The following DCLK2 variants were observed in gnomAD, a reference collection of about 807,000 sequenced individuals.
DCLK2 encodes serine/threonine-protein kinase DCLK2.
In DCLK2, 31 loss-of-function variants were observed where a neutral mutation model predicts 78.4. That is an observed-to-expected ratio of 0.40 (90% CI 0.30 to 0.53). The LOEUF (loss-of-function observed/expected upper bound fraction) is 0.53, where lower values mean the gene tolerates loss of function less well. DCLK2 is among the 20% of genes least tolerant of loss of function. The pLI, the probability that DCLK2 is intolerant of heterozygous loss-of-function variation, is 0.61. For missense variants in DCLK2, 872 were observed against 973.7 expected, an observed-to-expected ratio of 0.90 and a Z score of 1.39; for synonymous variants, 407 against 374.9, an observed-to-expected ratio of 1.09 and a Z score of -0.99.
At chr4:150,220,307 A>T (rs996827882) in intron 5 of DCLK2, among the ~76,000 whole-genome samples, 1 of 152,228 alleles carries the variant, frequency 6.6e-6, no homozygotes, top group South Asian at 2.1e-4. Context: ...ATTTATCATG[A>T]GGAAATAAAA....
At chr4:150,250,945 CACATCCCTCACACCCCCCACA>C in intron 15 of DCLK2, among the ~76,000 whole-genome samples, 1 of 7,338 alleles carries the variant, frequency 1.4e-4, no homozygotes, top group Non-Finnish European at 5.4e-4. Flanking sequence ...CCCCACACCA[CACATCCCTCACACCCCCCACA>C]CCACACATCC....
chr4:150,221,788 G>A lies in DCLK2; in HGVS notation c.1241+3G>A. The A allele has an allele frequency of 6.6e-7, 1 of 1,511,008 alleles. No homozygotes were observed. Among genetic ancestry groups the A allele is most frequent in the Non-Finnish European group, 9.1e-7 (1 of 1,104,962 alleles). The allele number at this position is 1,511,008 out of a possible 1,614,324, so 93.6% of individuals were successfully genotyped here. On this transcript the variant is annotated splice_donor_region_variant and intron_variant, in intron 7 of 15. Transcript: ENST00000296550. The stretch of plus-strand genomic sequence containing the variant: ...GTAGTCAAAGAGTGTATAGACAGGT[G>A]AGTGGACAGTGAGGATAATTAATGA...
chr4:150,125,638 C>T (rs183882250), intron 2 of DCLK2, among the ~76,000 whole-genome samples: 43 of 152,192 alleles, frequency 2.8e-4, no homozygotes, highest in African/African-American at 9.4e-4. Flanking sequence ...TCTTGTAGTC[C>T]GAGCACTCTG....
chr4:150,091,218 G>A (rs1192505086), intron 1 of DCLK2, among the ~76,000 whole-genome samples: 1 of 152,200 alleles, frequency 6.6e-6, no homozygotes, highest in African/African-American at 2.4e-5. Context: ...CACAAACGCT[G>A]CGCTTGATGA....
chr4:150,240,900 CCT>C (rs1237683212), intron 12 of DCLK2, among the ~76,000 whole-genome samples: 25 of 151,910 alleles, frequency 1.6e-4, no homozygotes, highest in African/African-American at 5.8e-4. Context: ...TTTGGTTGGT[CCT>C]CTGAGTTTCC....
intron 2 of DCLK2, among the ~76,000 whole-genome samples, chr4:150,187,947 C>T (rs982471064): frequency 3.3e-5 from 5 of 151,890 alleles, no homozygotes; most frequent in South Asian, 2.1e-4. Flanking sequence ...ACTACAGGTG[C>T]GTGCCACCAC....
At chr4:150,156,256 C>T (rs1453477337) in intron 2 of DCLK2, among the ~76,000 whole-genome samples, 1 of 151,998 alleles carries the variant, frequency 6.6e-6, no homozygotes, top group Non-Finnish European at 1.5e-5. Flanking sequence ...GAAGTAAAAA[C>T]TGACAAGATC....
At chr4:150,184,881 G>A (rs144626682) in intron 2 of DCLK2, among the ~76,000 whole-genome samples, 20,458 of 152,022 alleles carry the variant, frequency 0.13, 1,875 homozygotes, top group South Asian at 0.44. Context: ...GATTACAGGC[G>A]TGAGCCTCCG....
chr4:150,233,483 T>A (rs1742236699), intron 10 of DCLK2, among the ~76,000 whole-genome samples: 1 of 152,160 alleles, frequency 6.6e-6, no homozygotes, highest in Non-Finnish European at 1.5e-5. Flanking sequence ...GGCAGAAAAT[T>A]GTGAAGAATA....
rs553195648 is a variant in DCLK2, at chr4:150,165,971, C to G, written c.757-27167C>G. On this transcript the variant is annotated intron_variant, in intron 2 of 15. Coordinates refer to ENST00000296550, the MANE Select transcript of DCLK2 (RefSeq NM_001040260.4). ...TGTCTTGTGTGTTCACTTCCACCTTCCCCCTTCAACTGTGGGATGACCATC... is the reference window on the plus strand; with the variant it reads ...TGTCTTGTGTGTTCACTTCCACCTTGCCCCTTCAACTGTGGGATGACCATC... Among the ~76,000 whole-genome samples, 24 of 152,256 alleles carry G rather than the reference C, an allele frequency of 1.6e-4. No individual in the cohort carries two copies. In the South Asian group the frequency reaches 5.0e-3, roughly 32 times the overall value.
intron 1 of DCLK2, among the ~76,000 whole-genome samples, chr4:150,087,489 A>T (rs1729729569): frequency 6.6e-6 from 1 of 152,252 alleles, no homozygotes; most frequent in Non-Finnish European, 1.5e-5. Flanking sequence ...GAGATGAGAC[A>T]GATTAATAGA....
At chr4:150,181,478 T>C (rs1737514868) in intron 2 of DCLK2, among the ~76,000 whole-genome samples, 1 of 152,236 alleles carries the variant, frequency 6.6e-6, no homozygotes, top group Non-Finnish European at 1.5e-5. Flanking sequence ...CTCTGAATTC[T>C]TTAAAACCTT....
intron 1 of DCLK2, among the ~76,000 whole-genome samples, chr4:150,082,139 T>G (rs572194951): frequency 2.6e-5 from 4 of 152,312 alleles, no homozygotes; most frequent in African/African-American, 9.6e-5. Flanking sequence ...AGCAGCTATC[T>G]GTGAAGTTAT....
intron 2 of DCLK2, among the ~76,000 whole-genome samples, chr4:150,169,947 A>G (rs1736390256): frequency 6.6e-6 from 1 of 152,240 alleles, no homozygotes; most frequent in African/African-American, 2.4e-5. Flanking sequence ...ATTTAACAGG[A>G]TGTACTTATA....
intron 10 of DCLK2, among the ~76,000 whole-genome samples, chr4:150,236,607 T>A (rs1003977595): frequency 7.9e-5 from 12 of 152,228 alleles, no homozygotes; most frequent in Non-Finnish European, 1.6e-4. Context: ...TCTAGTCACC[T>A]CTTTATTAAA....
intron 5 of DCLK2, among the ~76,000 whole-genome samples, chr4:150,217,461 T>G: frequency 6.6e-6 from 1 of 152,212 alleles, no homozygotes; most frequent in East Asian, 1.9e-4. Context: ...AAGCTCAGAT[T>G]TGTGCTGTAG....
chr4:150,095,573 C>T (rs572563120), intron 1 of DCLK2, among the ~76,000 whole-genome samples: 1 of 152,276 alleles, frequency 6.6e-6, no homozygotes, highest in African/African-American at 2.4e-5. Flanking sequence ...AGCAATGCTC[C>T]TATGAACATG....
In DCLK2 at chr4:150,257,291, GCT is replaced by G. The variant is rs1303095548; in HGVS notation, c.*1047_*1048del. The G allele has an allele frequency of 5.2e-5, 8 of 152,674 alleles. No individual in the cohort carries two copies. Among genetic ancestry groups the G allele is most frequent in the African/African-American group, 1.7e-4 (7 of 41,426 alleles). 9.5% of individuals were successfully genotyped at this position (152,674 alleles called of 1,614,324 possible). On this transcript the variant is annotated 3_prime_UTR_variant, in exon 16 of 16. Transcript: ENST00000296550. Reference sequence around the variant, plus strand: ...GTTTTTCCTTTTTGTCCACCACCCTGCTCTTTTTAATAATTGTACATAATCCG... The same window carrying G: ...GTTTTTCCTTTTTGTCCACCACCCTGCTTTTTAATAATTGTACATAATCCG...
Position 150,124,234 on chromosome 4 carries a change from G to A in DCLK2, c.756+21422G>A, listed in dbSNP as rs530949231. Among the ~76,000 whole-genome samples, 13 of 152,142 alleles carry A rather than the reference G, an allele frequency of 8.5e-5. No homozygotes were observed. The South Asian group carries it at 2.7e-3, about 32-fold the overall frequency. On this transcript the variant is annotated intron_variant, in intron 2 of 15. Transcript: ENST00000296550. ...CAGAAGTTTAATTCTCTGAGCCTGAGGACTGTTAGCGATGAAGCAACGCCC... is the reference window on the plus strand; with the variant it reads ...CAGAAGTTTAATTCTCTGAGCCTGAAGACTGTTAGCGATGAAGCAACGCCC...
Sources: allele counts gnomAD v4.1 joint callset (sites outside exome capture counted in the v4.1 genomes callset), GRCh38; gene constraint gnomAD v4.1.1; transcripts MANE v1.5; gene names NCBI Gene and HGNC (gene_info 2026-07-23, HGNC 2026-07-21).